Variants in DGKD observed in about 807,000 individuals in gnomAD.
DGKD encodes diacylglycerol kinase delta.
DGKD carries 68 observed loss-of-function variants against 154.4 expected under a neutral mutation model. The ratio of observed to expected loss-of-function variants is 0.44; its 90% CI spans 0.36 to 0.54. The LOEUF is 0.54. Among genes scored for constraint, DGKD ranks in the 20% least tolerant of loss-of-function variants. The probability of loss-of-function intolerance (pLI) is 0.00; values close to 1 mark genes in which losing one functional copy is unlikely to be tolerated. For synonymous variants in DGKD, 693 were observed against 638.0 expected, an observed-to-expected ratio of 1.09 and a Z score of -1.30; for missense variants, 1,343 against 1,593.6, an observed-to-expected ratio of 0.84 and a Z score of 2.68.
intron 28 of DGKD, 57 bp from the exon 29 acceptor site, chr2:233,468,366 C>A: frequency 6.3e-7 from 1 of 1,592,328 alleles, no homozygotes; most frequent in South Asian, 1.1e-5. Flanking sequence ...CAGCTGCTGC[C>A]TACCTTGCAC....
At chr2:233,424,532 C>T (rs937190604) in intron 3 of DGKD, among the ~76,000 whole-genome samples, 3 of 152,216 alleles carry the variant, frequency 2.0e-5, no homozygotes, top group Non-Finnish European at 4.4e-5. Flanking sequence ...ATGAAATGTG[C>T]CAGACACCGC....
rs1381697331 is a variant in DGKD, at chr2:233,457,107, G to C, written c.2472+112G>C. Reference sequence around the variant, plus strand: ...CCTCCATGCACAGGGACTTGCCTGGGGATGCCCTGGCCACGGCTGTGCTCC... The same window carrying C: ...CCTCCATGCACAGGGACTTGCCTGGCGATGCCCTGGCCACGGCTGTGCTCC... On this transcript the variant is annotated intron_variant, in intron 20 of 29. Transcript: ENST00000264057. The surrounding 1 kb of genome is among the most constrained non-coding windows in gnomAD (Gnocchi z 5.5). The C allele has an allele frequency of 2.3e-6, 3 of 1,306,520 alleles. No individual in the cohort carries two copies. The highest frequency in any genetic ancestry group is 3.3e-6 in the Non-Finnish European group (3 of 910,672). The allele number at this position is 1,306,520 out of a possible 1,614,324, so 80.9% of individuals were successfully genotyped here.
chr2:233,434,326 C>A (rs371795469), intron 3 of DGKD, 54 bp from the exon 4 acceptor site: 7 of 1,394,236 alleles, frequency 5.0e-6, no homozygotes, highest in Non-Finnish European at 5.1e-6. Context: ...GCGTTCATAG[C>A]TATCAGCACT....
chr2:233,404,623 T>C (rs1384368046), intron 3 of DGKD, among the ~76,000 whole-genome samples: 2 of 152,146 alleles, frequency 1.3e-5, no homozygotes, highest in East Asian at 1.9e-4. Context: ...AGATAGATCA[T>C]CATTTGAACT....
At chr2:233,390,976 A>G (rs1008084209) in intron 3 of DGKD, among the ~76,000 whole-genome samples, 6 of 151,790 alleles carry the variant, frequency 4.0e-5, no homozygotes, top group South Asian at 2.1e-4. Context: ...CAGGTGATCC[A>G]CCCTCCTTGG....
At chr2:233,448,215 G>A (rs745860182) in intron 13 of DGKD, 34 bp downstream of exon 13, 1 of 1,614,040 alleles carries the variant, frequency 6.2e-7, no homozygotes, top group South Asian at 1.1e-5. Context: ...AGGGCATGGT[G>A]CCCTGGCCCC....
At chr2:233,430,794 AC>A in intron 3 of DGKD, among the ~76,000 whole-genome samples, 1 of 152,208 alleles carries the variant, frequency 6.6e-6, no homozygotes, top group Middle Eastern at 3.4e-3. Flanking sequence ...CTTGAGGAGA[AC>A]TCTTTTTCCC....
At position 233,400,188 on chromosome 2, in the gene DGKD, G is replaced by C. The variant is rs146672397; in HGVS notation, c.348+9705G>C. On this transcript the variant is annotated intron_variant, in intron 3 of 29. Coordinates refer to ENST00000264057, the MANE Select transcript of DGKD (RefSeq NM_152879.3). ...CAGAGTCTGTGTCCCTTGTGAAGGA[G>C]GCAGAATCAGAGCTAAATTCAATTT... 1.6e-3 allele frequency among the ~76,000 whole-genome samples: 244 copies of C among 152,304 alleles called. 1 individual carries two copies. Among genetic ancestry groups the C allele is most frequent in the African/African-American group, 5.6e-3 (232 of 41,562 alleles).
chr2:233,466,940 A>AGAGAAGCCCTTTCAGGCAC, intron 27 of DGKD, 146 bp from the exon 28 acceptor site: 1 of 672,854 alleles, frequency 1.5e-6, no homozygotes, highest in South Asian at 1.8e-5. Context: ...TCAATAAGGG[A>AGAGAAGCCCTTTCAGGCAC]GAGAAGCCCT....
chr2:233,445,752 A>T lies in DGKD; in HGVS notation c.1324A>T (p.Met442Leu). The change falls in exon 11 of 30, where the codon ATG becomes TTG. Residue 442 changes from methionine (M) to leucine (L), a missense_variant. Physicochemically the swap from Met to Leu is conservative, Grantham distance 15 (BLOSUM62 2). Transcript: ENST00000264057. This position sits in a 1 kb window ranked among gnomAD's most constrained non-coding sequence, Gnocchi z 5.5. ...LEKLERASTK[M>L]LDRWSVMAYE... ...GAAGTTGGAGAGAGCCAGCACCAAG[A>T]TGCTGGACAGGTGAGTGGGGATGTG... 3 of 1,612,586 alleles carry T rather than the reference A, an allele frequency of 1.9e-6. No homozygotes were observed. Among genetic ancestry groups the T allele is most frequent in the Non-Finnish European group, 2.5e-6 (3 of 1,179,194 alleles).
intron 1 of DGKD, among the ~76,000 whole-genome samples, chr2:233,370,864 A>T (rs1702285322): frequency 6.6e-6 from 1 of 151,470 alleles, no homozygotes; most frequent in Non-Finnish European, 1.5e-5. Context: ...CAGTCCTCCC[A>T]CCTCAGCTTC....
chr2:233,453,382 T>C (rs1462501546), intron 18 of DGKD, among the ~76,000 whole-genome samples: 1 of 152,182 alleles, frequency 6.6e-6, no homozygotes, highest in Non-Finnish European at 1.5e-5. Context: ...CCTGTTTCTC[T>C]CCGTTGGATC....
chr2:233,394,602 G>T (rs1703870711), intron 3 of DGKD, among the ~76,000 whole-genome samples: 1 of 140,310 alleles, frequency 7.1e-6, no homozygotes, highest in African/African-American at 2.6e-5. Flanking sequence ...TCTTTTCTTT[G>T]TTCAGAATTT....
chr2:233,416,575 A>G (rs1575076407), intron 3 of DGKD, among the ~76,000 whole-genome samples: 2 of 152,344 alleles, frequency 1.3e-5, no homozygotes, highest in South Asian at 2.1e-4. Flanking sequence ...GTGTTACTAT[A>G]GACGCCTTTG....
Position 233,459,052 on chromosome 2 carries a change from T to A in DGKD, c.2694+655T>A, listed in dbSNP as rs376131257. On this transcript the variant is annotated intron_variant, in intron 22 of 29. Transcript: ENST00000264057. The surrounding 1 kb of genome is among the most constrained non-coding windows in gnomAD (Gnocchi z 5.7). ...GAGCCCATGGCTCTGATGTGGGGTG[T>A]GGGAGGATTTCCAGCTGGGGCCCTC... Among the ~76,000 whole-genome samples the A allele has an allele frequency of 1.3e-5, 2 of 152,240 alleles. No homozygotes were observed. The highest frequency in any genetic ancestry group is 2.1e-4 in the South Asian group (1 of 4,814).
Position 233,462,331 on chromosome 2 carries a change from C to A in DGKD, c.2982-17C>A, listed in dbSNP as rs760863976. On this transcript the variant is annotated splice_polypyrimidine_tract_variant and intron_variant, in intron 24 of 29. Coordinates refer to ENST00000264057, the MANE Select transcript of DGKD (RefSeq NM_152879.3). ...CCATTTGGCCTGACATCTGCCCGTGCTTCTCTTCCTCTCTAGTATCCGAGA... is the reference window on the plus strand; with the variant it reads ...CCATTTGGCCTGACATCTGCCCGTGATTCTCTTCCTCTCTAGTATCCGAGA... 6.3e-7 allele frequency: 1 copy of A among 1,585,408 alleles called. No individual in the cohort carries two copies. The highest frequency in any genetic ancestry group is 1.1e-5 in the South Asian group (1 of 89,880).
chr2:233,454,726 A>C (rs1292487232), intron 18 of DGKD, 37 bp from the exon 19 acceptor site: 1 of 1,261,118 alleles, frequency 7.9e-7, no homozygotes. Flanking sequence ...ACTGCTCAGC[A>C]GGGCTGTTGT....
intron 3 of DGKD, among the ~76,000 whole-genome samples, chr2:233,393,181 C>T (rs535864605): frequency 1.7e-4 from 26 of 152,036 alleles, no homozygotes; most frequent in Non-Finnish European, 3.5e-4. Flanking sequence ...CCTGCCACCA[C>T]GCCCAGCTAA....
At chr2:233,425,903 A>G (rs2062281514) in intron 3 of DGKD, among the ~76,000 whole-genome samples, 1 of 152,234 alleles carries the variant, frequency 6.6e-6, no homozygotes, top group African/African-American at 2.4e-5. Context: ...ACAGGAGAGG[A>G]TAAATTTATA....
Sources: gnomAD v4.1 joint callset for allele counts (sites outside exome capture counted in the v4.1 genomes callset) on GRCh38, gnomAD v4.1.1 for gene constraint, Gnocchi (gnomAD v3.1) non-coding constraint, MANE v1.5 for transcripts, NCBI Gene and HGNC (gene_info 2026-07-23, HGNC 2026-07-21) for gene names.